Variants in MECOM observed in about 807,000 individuals in gnomAD.
MECOM encodes MDS1 and EVI1 complex locus, also known as histone-lysine N-methyltransferase MECOM.
Under a neutral mutation model 116.3 loss-of-function variants are expected in MECOM, and 13 were observed. The ratio of observed to expected loss-of-function variants is 0.11; its 90% CI spans 0.07 to 0.18. The LOEUF is 0.18. Ranked by LOEUF, MECOM falls within the 10% of genes least tolerant of loss-of-function variation. The pLI, the probability that MECOM is intolerant of heterozygous loss-of-function variation, is 1.00. For missense variants in MECOM, 1,299 were observed against 1,509.0 expected (o/e 0.86, Z 2.31); for synonymous variants, 528 against 535.2 (o/e 0.99, Z 0.19).
chr3:169,292,677 G>C (rs1429564584), intron 2 of MECOM, among the ~76,000 whole-genome samples: 2 of 152,274 alleles, frequency 1.3e-5, no homozygotes, highest in Non-Finnish European at 2.9e-5. Flanking sequence ...ATGACAGCTG[G>C]TTATGGGAAG....
chr3:169,221,735 A>T (rs1033453591), intron 2 of MECOM, among the ~76,000 whole-genome samples: 2 of 152,158 alleles, frequency 1.3e-5, no homozygotes, highest in African/African-American at 4.8e-5. Context: ...AATAGAAAAA[A>T]AATCACTTAA....
At chr3:169,312,494 G>T (rs1718983863) in intron 2 of MECOM, among the ~76,000 whole-genome samples, 1 of 149,354 alleles carries the variant, frequency 6.7e-6, no homozygotes, top group Non-Finnish European at 1.5e-5. Context: ...TCAGCCTCCC[G>T]AGTAGCTGGG....
chr3:169,277,034 A>G (rs1031631596), intron 2 of MECOM, among the ~76,000 whole-genome samples: 4 of 149,884 alleles, frequency 2.7e-5, no homozygotes, highest in African/African-American at 1.0e-4. Flanking sequence ...ACACACACAC[A>G]AGTGCTGTCA....
intron 1 of MECOM, among the ~76,000 whole-genome samples, chr3:169,535,555 T>C (rs1252239377): frequency 6.6e-6 from 1 of 152,210 alleles, no homozygotes; most frequent in East Asian, 1.9e-4. Flanking sequence ...TTTACCACTG[T>C]ATGAAACAGA....
At chr3:169,655,726 A>G (rs1421014) in intron 1 of MECOM, among the ~76,000 whole-genome samples, 41,751 of 152,088 alleles carry the variant, frequency 0.27, 7,194 homozygotes, top group East Asian at 0.44. Flanking sequence ...CAAAATGCTT[A>G]CCGTAGACAT....
At chr3:169,183,332 A>T (rs1251565252) in intron 2 of MECOM, among the ~76,000 whole-genome samples, 1 of 152,150 alleles carries the variant, frequency 6.6e-6, no homozygotes, top group Admixed American at 6.5e-5. Flanking sequence ...TTCTCCTGTG[A>T]GACATAGTCT....
intron 2 of MECOM, among the ~76,000 whole-genome samples, chr3:169,330,655 T>G (rs780839344): frequency 6.6e-6 from 1 of 152,056 alleles, no homozygotes; most frequent in Non-Finnish European, 1.5e-5. Context: ...CAAAATAAGT[T>G]TTCTTGTGTT....
chr3:169,133,679 T>C (rs1268161184), intron 3 of MECOM, among the ~76,000 whole-genome samples: 1 of 152,208 alleles, frequency 6.6e-6, no homozygotes, highest in Non-Finnish European at 1.5e-5. Flanking sequence ...AAAAATAGTT[T>C]ATTTGCACTT....
chr3:169,442,175 C>T (rs1743846073), intron 1 of MECOM, among the ~76,000 whole-genome samples: 3 of 152,218 alleles, frequency 2.0e-5, no homozygotes, highest in Admixed American at 2.0e-4. Context: ...ATCCACCCAC[C>T]TCAGCCTCCA....
chr3:169,143,362 A>G (rs1210102279), intron 3 of MECOM, among the ~76,000 whole-genome samples: 1 of 152,108 alleles, frequency 6.6e-6, no homozygotes, highest in Non-Finnish European at 1.5e-5. Flanking sequence ...GTTCTTGATT[A>G]GCTCAATACC....
intron 2 of MECOM, among the ~76,000 whole-genome samples, chr3:169,186,445 G>T (rs1259937256): frequency 6.7e-6 from 1 of 149,638 alleles, no homozygotes; most frequent in African/African-American, 2.5e-5. Flanking sequence ...TCCCATTTCA[G>T]CATTGCCATT....
intron 1 of MECOM, among the ~76,000 whole-genome samples, chr3:169,638,641 A>T (rs958717806): frequency 6.6e-6 from 1 of 152,200 alleles, no homozygotes; most frequent in Non-Finnish European, 1.5e-5. Context: ...CATCTGCTTC[A>T]GCACAAATCA....
At chr3:169,272,215 A>C (rs746044156) in intron 2 of MECOM, among the ~76,000 whole-genome samples, 1 of 152,152 alleles carries the variant, frequency 6.6e-6, no homozygotes, top group South Asian at 2.1e-4. Context: ...CTCTCCTGAG[A>C]CTCATGAAAG....
chr3:169,433,489 A>G (rs745431867), intron 1 of MECOM, among the ~76,000 whole-genome samples: 3 of 151,584 alleles, frequency 2.0e-5, no homozygotes, highest in Non-Finnish European at 4.4e-5. Flanking sequence ...AGAAAGACAG[A>G]CAGACAGAAT....
intron 7 of MECOM, among the ~76,000 whole-genome samples, chr3:169,119,684 T>A (rs1208980288): frequency 6.6e-6 from 1 of 152,144 alleles, no homozygotes; most frequent in East Asian, 1.9e-4. Flanking sequence ...ATAAATGAAC[T>A]ATTTAATATC....
At chr3:169,592,979 A>C (rs1226032911) in intron 1 of MECOM, among the ~76,000 whole-genome samples, 2 of 152,224 alleles carry the variant, frequency 1.3e-5, no homozygotes, top group Non-Finnish European at 2.9e-5. Flanking sequence ...TATGTATAAA[A>C]CATGAGATAC....
intron 2 of MECOM, among the ~76,000 whole-genome samples, chr3:169,206,983 T>C (rs1750018733): frequency 1.3e-5 from 2 of 152,160 alleles, no homozygotes; most frequent in African/African-American, 2.4e-5. Context: ...AAAATGACTT[T>C]AAAAGCAGTT....
chr3:169,578,026 C>T (rs930621012), intron 1 of MECOM, among the ~76,000 whole-genome samples: 12 of 151,468 alleles, frequency 7.9e-5, no homozygotes, highest in Non-Finnish European at 1.5e-4. Context: ...GTTGATGCTT[C>T]GTACTAAGAA....
rs189722669 is a variant in MECOM at position 169,444,877 on chromosome 3, T to C, written c.38-63353A>G. Among the ~76,000 whole-genome samples the C allele has an allele frequency of 9.5e-3, 1,444 of 152,298 alleles. 9 individuals are homozygous for C. Among genetic ancestry groups the C allele is most frequent in the Middle Eastern group, 0.027 (8 of 294 alleles). On this transcript the variant is annotated intron_variant, in intron 1 of 16. Coordinates refer to ENST00000651503, the MANE Select transcript of MECOM (RefSeq NM_004991.4). Reference sequence around the variant, plus strand: ...TCTCAGATGGAGATGAGGAACTTGTTGGAAACTGGAGCAAAGGTGACTCTT... The same window carrying C: ...TCTCAGATGGAGATGAGGAACTTGTCGGAAACTGGAGCAAAGGTGACTCTT...
Sources: gnomAD v4.1 joint callset for allele counts (sites outside exome capture counted in the v4.1 genomes callset) on GRCh38, gnomAD v4.1.1 for gene constraint, MANE v1.5 for transcripts, NCBI Gene and HGNC (gene_info 2026-07-23, HGNC 2026-07-21) for gene names.